The following BRSK1 variants were observed in gnomAD, a reference collection of about 807,000 sequenced individuals.
The protein encoded by BRSK1 is BR serine/threonine kinase 1.
A neutral mutation model predicts 86.2 loss-of-function variants in BRSK1; 17 were observed. The ratio of observed to expected loss-of-function variants is 0.20; its 90% CI spans 0.14 to 0.30. The LOEUF (loss-of-function observed/expected upper bound fraction) is 0.30, where lower values mean the gene tolerates loss of function less well. BRSK1 is among the 10% of genes least tolerant of loss of function. The pLI is 1.00. For synonymous variants in BRSK1, 464 were observed against 440.1 expected, an observed-to-expected ratio of 1.05 and a Z score of -0.68; for missense variants, 719 against 1,071.9, an observed-to-expected ratio of 0.67 and a Z score of 4.60.
chr19:55,297,405 T>C (rs557172319), intron 7 of BRSK1, among the ~76,000 whole-genome samples: 2 of 152,316 alleles, frequency 1.3e-5, no homozygotes, highest in East Asian at 1.9e-4. Context: ...GTTCTGATCA[T>C]GTTATTTCAC....
chr19:55,300,118 G>C (rs1181183764), intron 7 of BRSK1, among the ~76,000 whole-genome samples: 1 of 152,194 alleles, frequency 6.6e-6, no homozygotes, highest in Non-Finnish European at 1.5e-5. Context: ...TGAGTGTCGA[G>C]TGTGTGTCAG....
chr19:55,284,134 G>C lies in BRSK1; in HGVS notation c.-309G>C. ...GCAGCATCCGCCGGCCCGCACCTCA[G>C]ACCCCCCCGGCGGGGGGAGGCGCAG... On this transcript the variant is annotated 5_prime_UTR_variant, in exon 1 of 19. Transcript: ENST00000309383. The C allele has an allele frequency of 2.6e-6, 3 of 1,175,718 alleles. No individual in the cohort carries two copies. The highest frequency in any genetic ancestry group is 3.2e-6 in the Non-Finnish European group (3 of 940,220). The allele number at this position is 1,175,718 out of a possible 1,614,324, so 72.8% of individuals were successfully genotyped here.
Position 55,312,222 on chromosome 19 carries a change from C to A in BRSK1, c.*154C>A. The A allele has an allele frequency of 2.3e-6, 1 of 439,534 alleles. No homozygotes were observed. The highest frequency in any genetic ancestry group is 4.0e-6 in the Non-Finnish European group (1 of 248,094). 27.2% of individuals were successfully genotyped at this position (439,534 alleles called of 1,614,324 possible). A position where few individuals can be genotyped will look rare whatever the true frequency, so the allele number is the denominator to read the frequency against. On this transcript the variant is annotated 3_prime_UTR_variant, in exon 19 of 19. Transcript: ENST00000309383. ...CAGGGATGGGGCTCCACAGGCCGTGCCCAACTGGGGGTGGTTCTAGGGGAA... is the reference window on the plus strand; with the variant it reads ...CAGGGATGGGGCTCCACAGGCCGTGACCAACTGGGGGTGGTTCTAGGGGAA...
chr19:55,304,223 T>G lies in BRSK1; in HGVS notation c.1347+113T>G. On this transcript the variant is annotated intron_variant, in intron 13 of 18. Coordinates refer to ENST00000309383, the MANE Select transcript of BRSK1 (RefSeq NM_032430.2). This position sits in a 1 kb window ranked among gnomAD's most constrained non-coding sequence, Gnocchi z 5.2. The stretch of plus-strand genomic sequence containing the variant: ...TGCAGTCTTGAGACTTGCTTCTTTG[T>G]CCCTGGAGGGCCAAAGACCCAAGGC... 1 of 1,170,754 alleles carries G rather than the reference T, an allele frequency of 8.5e-7. No homozygotes were observed. Among genetic ancestry groups the G allele is most frequent in the Non-Finnish European group, 1.2e-6 (1 of 838,738 alleles). 72.5% of individuals were successfully genotyped at this position (1,170,754 alleles called of 1,614,324 possible).
chr19:55,301,303 A>C (rs79178882), intron 7 of BRSK1, among the ~76,000 whole-genome samples: 5,305 of 152,282 alleles, frequency 0.035, 149 homozygotes, highest in Non-Finnish European at 0.058. Flanking sequence ...CCACGCTGCA[A>C]TTCTAGCTTC....
chr19:55,296,841 C>A (rs1449746074), intron 7 of BRSK1, among the ~76,000 whole-genome samples: 3 of 151,390 alleles, frequency 2.0e-5, no homozygotes, highest in African/African-American at 7.3e-5. Flanking sequence ...GAGCGAGACT[C>A]CGTCTCAAAA....
intron 4 of BRSK1, among the ~76,000 whole-genome samples, 187 bp from the exon 5 acceptor site, chr19:55,293,826 AATAC>A (rs1355987897): frequency 6.6e-6 from 1 of 152,166 alleles, no homozygotes; most frequent in Non-Finnish European, 1.5e-5. Flanking sequence ...AATAATAATA[AATAC>A]ATACATACAT....
In BRSK1 at chr19:55,302,853, G is replaced by T; in HGVS notation, c.1014G>T (p.Glu338Asp). The change falls in exon 10 of 19, where the codon GAG (glutamate) becomes GAT (aspartate). Residue 338 changes from glutamate to aspartate, a missense_variant. Glu to Asp is a conservative substitution (Grantham distance 45). This residue lies in a region of BRSK1 where 168 missense variants were observed against 246.3 expected (regional missense o/e 0.68). Transcript: ENST00000309383. The surrounding 1 kb of genome is among the most constrained non-coding windows in gnomAD (Gnocchi z 6.3). ...CFRDRERLHRELRSEEENQEK... is the reference protein window; with the variant it reads ...CFRDRERLHRDLRSEEENQEK... ...GGGACCGCGAGAGGCTGCATCGCGA[G>T]CTGCGCAGTGAGGAGTAAGACCCCA... The T allele has an allele frequency of 6.2e-7, 1 of 1,613,414 alleles. No individual in the cohort carries two copies. The highest frequency in any genetic ancestry group is 8.5e-7 in the Non-Finnish European group (1 of 1,179,870).
At position 55,287,303 on chromosome 19, in the gene BRSK1, G is replaced by C. The variant is rs1257417715; in HGVS notation, c.317+4G>C. 6.2e-7 allele frequency: 1 copy of C among 1,613,580 alleles called. No individual in the cohort carries two copies. Among genetic ancestry groups the C allele is most frequent in the African/African-American group, 1.3e-5 (1 of 74,878 alleles). ...TCTACGAGAACAAGAAATATTTGTAGGTATTTATAGACACCCAGCCCTACC... is the reference window on the plus strand; with the variant it reads ...TCTACGAGAACAAGAAATATTTGTACGTATTTATAGACACCCAGCCCTACC... On this transcript the variant is annotated splice_donor_region_variant and intron_variant, in intron 3 of 18. Coordinates refer to ENST00000309383, the MANE Select transcript of BRSK1 (RefSeq NM_032430.2). This position sits in a 1 kb window ranked among gnomAD's most constrained non-coding sequence, Gnocchi z 5.3.
At chr19:55,292,959 G>A (rs2088430696) in intron 4 of BRSK1, among the ~76,000 whole-genome samples, 1 of 151,928 alleles carries the variant, frequency 6.6e-6, no homozygotes, top group South Asian at 2.1e-4. Context: ...AGTGAGCTAT[G>A]ACTGTGGTAC....
intron 4 of BRSK1, among the ~76,000 whole-genome samples, chr19:55,292,406 G>A (rs1027622317): frequency 3.9e-5 from 6 of 152,188 alleles, no homozygotes; most frequent in African/African-American, 1.4e-4. Context: ...ATTTGGGTTG[G>A]GGAGGAGTAT....
chr19:55,305,603 C>T lies in BRSK1; in HGVS notation c.1890+17C>T, dbSNP rs560515307. On this transcript the variant is annotated intron_variant, in intron 16 of 18. Coordinates refer to ENST00000309383, the MANE Select transcript of BRSK1 (RefSeq NM_032430.2). ...TTTCTGTCGGTGAGGGGCCTGGGTC[C>T]CCATCGAGCCTGGCCCCCGCAGAAC... is the stretch of plus-strand genomic sequence containing the variant. 9.3e-6 allele frequency: 15 copies of T among 1,613,606 alleles called. No individual in the cohort carries two copies. Among genetic ancestry groups the T allele is most frequent in the East Asian group, 2.2e-5 (1 of 44,902 alleles).
intron 14 of BRSK1, 94 bp downstream of exon 14, chr19:55,305,014 A>G (rs1047817515): frequency 6.5e-7 from 1 of 1,538,782 alleles, no homozygotes; most frequent in African/African-American, 1.4e-5. Context: ...TCTAGAGAGG[A>G]AGGGACTGGG....
chr19:55,284,498 A>ACCCCCCCCCCCCC lies in BRSK1; in HGVS notation c.61_62insCCCCCCCCCCCCC (p.His21ProfsTer33). On this transcript the variant is annotated frameshift_variant, in exon 1 of 19. Coordinates refer to ENST00000309383, the MANE Select transcript of BRSK1 (RefSeq NM_032430.2). LOFTEE classifies it high-confidence loss of function. Reference sequence around the variant, plus strand: ...GGCTCTCCCGCCTACCACCTCCCCCACCCCCACCCCCACCCACCCCAGCAC... The same window carrying ACCCCCCCCCCCCC: ...GGCTCTCCCGCCTACCACCTCCCCCACCCCCCCCCCCCCCCCCCACCCCCACCCACCCCAGCAC... The ACCCCCCCCCCCCC allele has an allele frequency of 5.2e-5, 21 of 403,726 alleles. No homozygotes were observed. The highest frequency in any genetic ancestry group is 7.1e-5 in the Non-Finnish European group (18 of 251,844). 25.0% of individuals were successfully genotyped at this position (403,726 alleles called of 1,614,324 possible). A position where few individuals can be genotyped will look rare whatever the true frequency, so the allele number is the denominator to read the frequency against.
rs2088584198 is a variant in BRSK1, at chr19:55,302,358, C to T, written c.857+190C>T. On this transcript the variant is annotated intron_variant, in intron 9 of 18. Coordinates refer to ENST00000309383, the MANE Select transcript of BRSK1 (RefSeq NM_032430.2). This position sits in a 1 kb window ranked among gnomAD's most constrained non-coding sequence, Gnocchi z 6.3. ...GTCTAGGGGTCAGAGGCAGGAGGGGCTAAGCTAGGAGTCCAGGACTCCCAG... is the reference window on the plus strand; with the variant it reads ...GTCTAGGGGTCAGAGGCAGGAGGGGTTAAGCTAGGAGTCCAGGACTCCCAG... 4.3e-6 allele frequency: 3 copies of T among 693,630 alleles called. No homozygotes were observed. In the Admixed American group the frequency reaches 7.3e-5, roughly 17 times the overall value. The allele number at this position is 693,630 out of a possible 1,614,324, so 43.0% of individuals were successfully genotyped here.
intron 7 of BRSK1, among the ~76,000 whole-genome samples, chr19:55,296,857 G>GA (rs936586443): frequency 9.5e-5 from 14 of 148,098 alleles, no homozygotes; most frequent in Admixed American, 6.0e-4. Context: ...CAAAAAAAAT[G>GA]AAAAAAAAAT....
At position 55,289,716 on chromosome 19, in the gene BRSK1, G is replaced by C. The variant is rs141332482; in HGVS notation, c.458+96G>C. 13,532 of 1,478,910 alleles carry C rather than the reference G, an allele frequency of 9.1e-3. 88 individuals carry two copies. Among genetic ancestry groups the C allele is most frequent in the Non-Finnish European group, 0.011 (11,957 of 1,105,650 alleles). 91.6% of individuals were successfully genotyped at this position (1,478,910 alleles called of 1,614,324 possible). ...AGGGCTGAGCAAAAGCCATGTGGTC[G>C]GCCCCCAAACCTTTATCCCATTGAG... is the stretch of plus-strand genomic sequence containing the variant. On this transcript the variant is annotated intron_variant, in intron 4 of 18. Transcript: ENST00000309383.
In BRSK1 at chr19:55,302,229, G is replaced by T; in HGVS notation, c.857+61G>T. The stretch of plus-strand genomic sequence containing the variant: ...CGGAAATAGGGGAGGGGCCAAAGCA[G>T]TAGAAGCGGCTGGGAGGGGTGGGAT... On this transcript the variant is annotated intron_variant, in intron 9 of 18. Coordinates refer to ENST00000309383, the MANE Select transcript of BRSK1 (RefSeq NM_032430.2). The surrounding 1 kb of genome is among the most constrained non-coding windows in gnomAD (Gnocchi z 6.3). 1 of 1,580,558 alleles carries T rather than the reference G, an allele frequency of 6.3e-7. No individual in the cohort carries two copies. The highest frequency in any genetic ancestry group is 8.7e-7 in the Non-Finnish European group (1 of 1,150,240).
intron 1 of BRSK1, 122 bp from the exon 2 acceptor site, chr19:55,286,885 A>G (rs1227742996): frequency 2.4e-6 from 2 of 827,922 alleles, no homozygotes; most frequent in African/African-American, 3.3e-5. Flanking sequence ...TGATGTGTTC[A>G]GGCCATTGTT....
Sources: gnomAD v4.1 joint callset for allele counts (sites outside exome capture counted in the v4.1 genomes callset) on GRCh38, gnomAD v4.1.1 for gene constraint, gnomAD v4.1.1 regional missense constraint, Gnocchi (gnomAD v3.1) non-coding constraint, MANE v1.5 for transcripts, NCBI Gene and HGNC (gene_info 2026-07-23, HGNC 2026-07-21) for gene names.